Variants in C2CD5 observed in about 807,000 individuals in gnomAD.
C2CD5 encodes the protein C2 calcium dependent domain containing 5, also known as C2 domain-containing protein 5.
A neutral mutation model predicts 130.3 loss-of-function variants in C2CD5; 109 were observed. The ratio of observed to expected loss-of-function variants is 0.84; its 90% CI spans 0.72 to 0.98. The LOEUF (loss-of-function observed/expected upper bound fraction) is 0.98. Among genes scored for constraint, C2CD5 ranks in the 50% least tolerant of loss-of-function variants. The pLI, the probability that C2CD5 is intolerant of heterozygous loss-of-function variation, is 0.00. For synonymous variants in C2CD5, 454 were observed against 429.2 expected, an observed-to-expected ratio of 1.06 and a Z score of -0.71; for missense variants, 996 against 1,261.8, an observed-to-expected ratio of 0.79 and a Z score of 3.19.
At position 22,459,501 on chromosome 12, in the gene C2CD5, C is replaced by T; in HGVS notation, c.2575G>A (p.Ala859Thr). The T allele has an allele frequency of 6.5e-7, 1 of 1,531,154 alleles. No homozygotes were observed. Among genetic ancestry groups the T allele is most frequent in the African/African-American group, 1.4e-5 (1 of 72,996 alleles). The allele number at this position is 1,531,154 out of a possible 1,614,324, so 94.8% of individuals were successfully genotyped here. A position where few individuals can be genotyped will look rare whatever the true frequency, so the allele number is the denominator to read the frequency against. The change falls in exon 23 of 27, where the codon GCA becomes ACA. Residue 859 changes from alanine (A) to threonine (T), a missense_variant. Coordinates refer to ENST00000446597, the MANE Select transcript of C2CD5 (RefSeq NM_001286176.2). ...AATTAGACAAACTCACCTCTCTGTG[C>T]AGCTGGTATACCTGAGTTAGAACTT... ...SASSNSGIPA[A>T]QRATSVDYSS...
intron 26 of C2CD5, among the ~76,000 whole-genome samples, chr12:22,450,129 G>A (rs1296591050): frequency 6.6e-6 from 1 of 152,022 alleles, no homozygotes; most frequent in Non-Finnish European, 1.5e-5. Context: ...GAGATATACA[G>A]TTAAAATGAC....
chr12:22,481,798 A>ATTTTT (rs762273958), intron 14 of C2CD5, among the ~76,000 whole-genome samples: 2 of 93,190 alleles, frequency 2.1e-5, no homozygotes, highest in African/African-American at 4.3e-5. Flanking sequence ...CACCTGGTGT[A>ATTTTT]TTTTTTTTTT....
At chr12:22,472,560 C>G (rs1429471736) in intron 17 of C2CD5, 184 bp downstream of exon 17, 2 of 629,816 alleles carry the variant, frequency 3.2e-6, no homozygotes, top group Non-Finnish European at 5.7e-6. Context: ...AAAATCACTT[C>G]CACCTAAGTT....
chr12:22,509,041 TA>T (rs1455064233), intron 9 of C2CD5, among the ~76,000 whole-genome samples: 1 of 149,618 alleles, frequency 6.7e-6, no homozygotes, highest in Admixed American at 6.6e-5. Context: ...CGCGCCCGGC[TA>T]ATTTTTTGTA....
rs577533389 is a variant in C2CD5, at chr12:22,472,769, T to G, written c.2082A>C (p.Leu694=). The G allele has an allele frequency of 3.2e-6, 5 of 1,584,922 alleles. No homozygotes were observed. The South Asian group carries it at 5.5e-5, about 18-fold the overall frequency. Residue 694 remains leucine, a synonymous_variant, in exon 17 of 27, where the codon CTA becomes CTC. Coordinates refer to ENST00000446597, the MANE Select transcript of C2CD5 (RefSeq NM_001286176.2). The stretch of plus-strand genomic sequence containing the variant: ...CTGAAGGAGGAGGAACATCAGTAAG[T>G]AGAGAATGGACATCTTCCATGGCAT... The part of the protein sequence containing the change: ...DTDAMEDVHS[L]LTDVPPPSGF...
chr12:22,501,021 C>T, intron 10 of C2CD5, among the ~76,000 whole-genome samples: 1 of 152,038 alleles, frequency 6.6e-6, no homozygotes, highest in East Asian at 1.9e-4. Context: ...GATAAGAATA[C>T]ATAAATGATT....
In C2CD5 at chr12:22,527,908, A is replaced by C. The variant is rs1206543101; in HGVS notation, c.178-16T>G. 4 of 1,560,772 alleles carry C rather than the reference A, an allele frequency of 2.6e-6. No homozygotes were observed. In the African/African-American group the frequency reaches 5.5e-5, roughly 21 times the overall value. On this transcript the variant is annotated splice_polypyrimidine_tract_variant and intron_variant, in intron 3 of 26. Coordinates refer to ENST00000446597, the MANE Select transcript of C2CD5 (RefSeq NM_001286176.2). ...CATCATCCACCTACAAGTATACCTT[A>C]AAATTAAAACTCATATAGTTTTTAA...
intron 22 of C2CD5, among the ~76,000 whole-genome samples, chr12:22,461,902 T>C (rs953770353): frequency 1.3e-4 from 19 of 151,966 alleles, no homozygotes; most frequent in Non-Finnish European, 4.4e-5. Flanking sequence ...ATTTTTCTCC[T>C]AGAAAAAAAA....
At chr12:22,487,001 T>C (rs1237754768) in intron 12 of C2CD5, among the ~76,000 whole-genome samples, 1 of 152,168 alleles carries the variant, frequency 6.6e-6, no homozygotes, top group Non-Finnish European at 1.5e-5. Flanking sequence ...CGGCTAGCCA[T>C]ATGTAGAAAG....
intron 3 of C2CD5, among the ~76,000 whole-genome samples, chr12:22,532,502 T>C (rs183885481): frequency 6.6e-6 from 1 of 152,092 alleles, no homozygotes; most frequent in Admixed American, 6.5e-5. Context: ...ATCTGCAAAT[T>C]AGCAGGCACC....
intron 7 of C2CD5, among the ~76,000 whole-genome samples, chr12:22,519,478 A>G (rs1190114300): frequency 6.6e-6 from 1 of 152,132 alleles, no homozygotes; most frequent in Non-Finnish European, 1.5e-5. Context: ...AATTGTGAAT[A>G]AGAAAATAGC....
At chr12:22,523,811 T>C (rs555250603) in intron 6 of C2CD5, among the ~76,000 whole-genome samples, 187 bp from the exon 7 acceptor site, 14 of 151,200 alleles carry the variant, frequency 9.3e-5, no homozygotes, top group African/African-American at 3.1e-4. Flanking sequence ...TATTACAATA[T>C]AGCATAATTA....
intron 3 of C2CD5, among the ~76,000 whole-genome samples, chr12:22,532,733 T>A (rs1951420914): frequency 6.6e-6 from 1 of 152,220 alleles, no homozygotes; most frequent in Admixed American, 6.5e-5. Context: ...TCAAAGCATC[T>A]TTCAAGCAAA....
intron 23 of C2CD5, among the ~76,000 whole-genome samples, chr12:22,459,165 T>C (rs1940585796): frequency 6.6e-6 from 1 of 152,150 alleles, no homozygotes. Context: ...AAGCCTCTGA[T>C]AATATGGGGT....
chr12:22,543,279 C>T (rs1289045910), intron 2 of C2CD5, among the ~76,000 whole-genome samples: 5 of 152,188 alleles, frequency 3.3e-5, no homozygotes, highest in African/African-American at 9.7e-5. Flanking sequence ...ACCTTCCGGC[C>T]GTAGGCCTTT....
Position 22,525,645 on chromosome 12 carries a change from A to G in C2CD5, c.410T>C (p.Phe137Ser). 2 of 1,587,300 alleles carry G rather than the reference A, an allele frequency of 1.3e-6. No individual in the cohort carries two copies. The highest frequency in any genetic ancestry group is 1.7e-6 in the Non-Finnish European group (2 of 1,156,038). The change falls in exon 5 of 27, where the codon TTT becomes TCT. Residue 137 changes from phenylalanine (F) to serine (S), a missense_variant. By Grantham distance (155) the Phe-to-Ser change is radical (BLOSUM62 -2). Transcript: ENST00000446597. The stretch of plus-strand genomic sequence containing the variant: ...TTTGACTCCACATGATGACTGCCTA[A>G]ATCGATTTAAATCATTGAAGAGGTC... The part of the protein sequence containing the change: ...KVDLFNDLNR[F>S]RQSSCGVKFF...
intron 21 of C2CD5, 76 bp downstream of exon 21, chr12:22,470,748 C>A: frequency 9.5e-6 from 8 of 840,830 alleles, no homozygotes; most frequent in Non-Finnish European, 1.6e-5. Context: ...ATTGAATCCA[C>A]CTGTCCTGTA....
intron 17 of C2CD5, 36 bp downstream of exon 17, chr12:22,472,708 A>G: frequency 8.8e-7 from 1 of 1,132,438 alleles, no homozygotes; most frequent in Non-Finnish European, 1.3e-6. Context: ...TTATATGTAA[A>G]ACTAGTTTCA....
At chr12:22,480,558 G>A (rs1944562167) in intron 14 of C2CD5, among the ~76,000 whole-genome samples, 1 of 152,190 alleles carries the variant, frequency 6.6e-6, no homozygotes, top group African/African-American at 2.4e-5. Flanking sequence ...AATTACATCA[G>A]TGTCATAAAC....
Sources: allele counts gnomAD v4.1 joint callset (sites outside exome capture counted in the v4.1 genomes callset), GRCh38; gene constraint gnomAD v4.1.1; transcripts MANE v1.5; gene names NCBI Gene and HGNC (gene_info 2026-07-23, HGNC 2026-07-21).